The following BCL9 variants were observed in gnomAD, a reference collection of about 807,000 sequenced individuals.
The protein encoded by BCL9 is B-cell CLL/lymphoma 9 protein.
Under a neutral mutation model 88.5 loss-of-function variants are expected in BCL9, and 25 were observed. The observed-to-expected ratio is 0.28, with a 90% confidence interval of 0.21 to 0.39. BCL9 has a LOEUF of 0.39. Among genes scored for constraint, BCL9 ranks in the 10% least tolerant of loss-of-function variants. The pLI, the probability that BCL9 is intolerant of heterozygous loss-of-function variation, is 1.00. For missense variants in BCL9, 1,817 were observed against 1,877.8 expected, an observed-to-expected ratio of 0.97 and a Z score of 0.60; for synonymous variants, 711 against 673.3, an observed-to-expected ratio of 1.06 and a Z score of -0.87.
intron 9 of BCL9, 28 bp from the exon 10 acceptor site, chr1:147,623,814 G>T: frequency 1.3e-6 from 2 of 1,577,154 alleles, no homozygotes; most frequent in South Asian, 1.2e-5. Flanking sequence ...TGGTTAAGTT[G>T]ATTCCTTTGA....
At chr1:147,559,839 A>C (rs587761409) in intron 1 of BCL9, among the ~76,000 whole-genome samples, 4 of 152,198 alleles carry the variant, frequency 2.6e-5, no homozygotes, top group Non-Finnish European at 4.4e-5. Context: ...TAGTATTTGA[A>C]AAAGAAGATT....
intron 1 of BCL9, among the ~76,000 whole-genome samples, chr1:147,601,932 G>A (rs587626664): frequency 9.9e-5 from 15 of 152,222 alleles, no homozygotes; most frequent in African/African-American, 3.1e-4. Context: ...ACGGAGTCTC[G>A]CTCTGTTGCC....
chr1:147,620,099 C>T lies in BCL9; in HGVS notation c.1944C>T (p.Ala648=), dbSNP rs1553204883. The change falls in exon 8 of 10, where the codon GCC becomes GCT. Residue 648 remains alanine, a synonymous_variant. Coordinates refer to ENST00000234739, the MANE Select transcript of BCL9 (RefSeq NM_004326.4). ...AGCTGGGTCTCCCCCCAGGGATGGC[C>T]ATGGAAGGCATCAGGCCCAGCATGG... ...EKQLGLPPGM[A]MEGIRPSMEM... is the part of the protein sequence containing the mutation. 3 of 1,614,180 alleles carry T rather than the reference C, an allele frequency of 1.9e-6. No individual in the cohort carries two copies. The highest frequency in any genetic ancestry group is 1.1e-5 in the South Asian group (1 of 91,086).
rs782363194 is a variant in BCL9 at position 147,620,126 on chromosome 1, G to A, written c.1971G>A (p.Glu657=). The change falls in exon 8 of 10, where the codon GAG becomes GAA. Residue 657 remains glutamate (E), a synonymous_variant. Transcript: ENST00000234739. ...MAMEGIRPSM[E]MNRMIPGSQR... ...TGGAAGGCATCAGGCCCAGCATGGA[G>A]ATGAACAGGATGATTCCAGGCTCCC... 6 of 1,614,208 alleles carry A rather than the reference G, an allele frequency of 3.7e-6. No individual in the cohort carries two copies. Among genetic ancestry groups the A allele is most frequent in the Middle Eastern group, 1.6e-4 (1 of 6,062 alleles).
chr1:147,552,973 C>CG (rs1235384257), intron 1 of BCL9, among the ~76,000 whole-genome samples: 1 of 49,682 alleles, frequency 2.0e-5, no homozygotes, highest in African/African-American at 1.5e-4. Flanking sequence ...TGGGAATTTC[C>CG]AATTTTTTTT....
chr1:147,544,773 G>A (rs782206689), intron 1 of BCL9, among the ~76,000 whole-genome samples: 1 of 152,092 alleles, frequency 6.6e-6, no homozygotes, highest in Non-Finnish European at 1.5e-5. Flanking sequence ...TACCTTTTTA[G>A]CAGATCTCTG....
rs1477546129 is a variant in BCL9 at position 147,613,608 on chromosome 1, G to C, written c.370+409G>C. Among the ~76,000 whole-genome samples the C allele has an allele frequency of 2.0e-5, 3 of 152,152 alleles. No homozygotes were observed. The East Asian group carries it at 5.8e-4, about 29-fold the overall frequency. Reference sequence around the variant, plus strand: ...CTTCTCCATCAGAGCAATCCTCCAAGGCTTGGGTCTTGTGTTCTCTAGTTG... The same window carrying C: ...CTTCTCCATCAGAGCAATCCTCCAACGCTTGGGTCTTGTGTTCTCTAGTTG... On this transcript the variant is annotated intron_variant, in intron 5 of 9. Coordinates refer to ENST00000234739, the MANE Select transcript of BCL9 (RefSeq NM_004326.4).
intron 7 of BCL9, among the ~76,000 whole-genome samples, chr1:147,618,124 A>G (rs1367488101): frequency 6.6e-6 from 1 of 152,146 alleles, no homozygotes; most frequent in African/African-American, 2.4e-5. Flanking sequence ...TTCTCCACAG[A>G]AGCTTCCTGC....
At chr1:147,615,766 C>G (rs782228566) in intron 6 of BCL9, 37 bp from the exon 7 acceptor site, 1 of 1,537,088 alleles carries the variant, frequency 6.5e-7, no homozygotes, top group East Asian at 2.3e-5. Flanking sequence ...GAAATAGAAA[C>G]AAGTTCTAGT....
At chr1:147,607,022 C>T (rs898734482) in intron 3 of BCL9, among the ~76,000 whole-genome samples, 156 bp downstream of exon 3, 11 of 152,196 alleles carry the variant, frequency 7.2e-5, no homozygotes, top group Non-Finnish European at 4.4e-5. Context: ...TTGGTCACCA[C>T]CATTTTACTG....
intron 1 of BCL9, among the ~76,000 whole-genome samples, chr1:147,546,401 T>C (rs1436283239): frequency 5.3e-5 from 8 of 151,728 alleles, no homozygotes; most frequent in African/African-American, 1.9e-4. Flanking sequence ...TTTAAAACAC[T>C]AGAATTTAGA....
chr1:147,572,526 T>G (rs1655932296), intron 1 of BCL9, among the ~76,000 whole-genome samples: 1 of 152,216 alleles, frequency 6.6e-6, no homozygotes, highest in Non-Finnish European at 1.5e-5. Flanking sequence ...CCAGCCAGTA[T>G]GCATTCTAAT....
At chr1:147,590,551 G>A (rs188277187) in intron 1 of BCL9, among the ~76,000 whole-genome samples, 5 of 152,230 alleles carry the variant, frequency 3.3e-5, no homozygotes, top group Admixed American at 1.3e-4. Flanking sequence ...ATAGTAACAT[G>A]AAAAGAGCAT....
chr1:147,555,448 C>T (rs17160428), intron 1 of BCL9, among the ~76,000 whole-genome samples: 1,909 of 152,252 alleles, frequency 0.013, 23 homozygotes, highest in East Asian at 0.056. Flanking sequence ...TAGCTTTTAA[C>T]GTATTATTTG....
intron 1 of BCL9, among the ~76,000 whole-genome samples, chr1:147,601,258 T>A (rs1657375160): frequency 6.6e-6 from 1 of 152,198 alleles, no homozygotes; most frequent in Non-Finnish European, 1.5e-5. Flanking sequence ...GAAATGGACA[T>A]AACTATCTCT....
intron 1 of BCL9, among the ~76,000 whole-genome samples, chr1:147,567,916 AT>A (rs1655679900): frequency 6.6e-6 from 1 of 152,124 alleles, no homozygotes; most frequent in African/African-American, 2.4e-5. Context: ...TTCAAATTTT[AT>A]ATCCCATTGC....
chr1:147,546,378 T>TC lies in BCL9; in HGVS notation c.-478+4712dup, dbSNP rs369381823. 8.2e-4 allele frequency among the ~76,000 whole-genome samples: 124 copies of TC among 150,330 alleles called. 1 individual carries two copies. The East Asian group carries it at 9.4e-3, about 11-fold the overall frequency. On this transcript the variant is annotated intron_variant, in intron 1 of 9. Transcript: ENST00000234739. ...AATAATAGTTGCCTAAGTTTTGCCA[T>TC]CCCCCCCCTTTTTTTAAAACACTAG...
At chr1:147,623,582 CT>C (rs879997303) in intron 9 of BCL9, among the ~76,000 whole-genome samples, 1 of 152,138 alleles carries the variant, frequency 6.6e-6, no homozygotes, top group African/African-American at 2.4e-5. Context: ...TAATTTATAA[CT>C]TTTCACACAT....
rs144599376 is a variant in BCL9 at position 147,580,504 on chromosome 1, C to A, written c.-477-24273C>A. ...ATAGGAATATGTTTATCCCTCCTACCCTTCTAGAAAAGCATCGTGCACAGT... is the reference window on the plus strand; with the variant it reads ...ATAGGAATATGTTTATCCCTCCTACACTTCTAGAAAAGCATCGTGCACAGT... On this transcript the variant is annotated intron_variant, in intron 1 of 9. Coordinates refer to ENST00000234739, the MANE Select transcript of BCL9 (RefSeq NM_004326.4). 1.3e-3 allele frequency among the ~76,000 whole-genome samples: 191 copies of A among 152,226 alleles called. 1 individual carries two copies. Among genetic ancestry groups the A allele is most frequent in the African/African-American group, 4.1e-3 (171 of 41,522 alleles).
Sources: allele counts gnomAD v4.1 joint callset (sites outside exome capture counted in the v4.1 genomes callset), GRCh38; gene constraint gnomAD v4.1.1; transcripts MANE v1.5; gene names NCBI Gene and HGNC (gene_info 2026-07-23, HGNC 2026-07-21).